The following FOLH1 variants were observed in gnomAD, a reference collection of about 807,000 sequenced individuals.
FOLH1 encodes glutamate carboxypeptidase 2.
In FOLH1, 54 loss-of-function variants were observed where a neutral mutation model predicts 93.9. The ratio of observed to expected loss-of-function variants is 0.57; its 90% confidence interval spans 0.46 to 0.72. The LOEUF is 0.72. Ranked by LOEUF, FOLH1 falls within the 30% of genes least tolerant of loss-of-function variation. The pLI is 0.00. For synonymous variants in FOLH1, 249 were observed against 303.6 expected (o/e 0.82, Z 1.87); for missense variants, 571 against 892.5 (o/e 0.64, Z 4.59).
At chr11:49,177,227 T>C (rs934944554) in intron 7 of FOLH1, among the ~76,000 whole-genome samples, 4 of 152,232 alleles carry the variant, frequency 2.6e-5, no homozygotes, top group Non-Finnish European at 5.9e-5. Context: ...TCTTTTCCCT[T>C]TTTCACTAAG....
chr11:49,206,037 G>T, intron 2 of FOLH1, 30 bp downstream of exon 2: 1 of 1,587,182 alleles, frequency 6.3e-7, no homozygotes, highest in Non-Finnish European at 8.6e-7. Flanking sequence ...CTAACAACTT[G>T]TCCATATAAA....
intron 12 of FOLH1, among the ~76,000 whole-genome samples, chr11:49,166,291 AG>A: frequency 6.6e-6 from 1 of 152,328 alleles, no homozygotes; most frequent in East Asian, 1.9e-4. Flanking sequence ...TAGTGGTTAG[AG>A]GGGTAAAGTT....
intron 4 of FOLH1, among the ~76,000 whole-genome samples, chr11:49,190,940 A>G (rs1238953952): frequency 6.6e-6 from 1 of 152,238 alleles, no homozygotes; most frequent in Non-Finnish European, 1.5e-5. Context: ...AATGAATGTG[A>G]TCTATTGAAG....
At chr11:49,154,973 G>A (rs1318712838) in intron 15 of FOLH1, among the ~76,000 whole-genome samples, 1 of 152,024 alleles carries the variant, frequency 6.6e-6, no homozygotes, top group Non-Finnish European at 1.5e-5. Context: ...GAGAGTCTGA[G>A]TGGTGAGGGG....
chr11:49,173,939 T>C (rs914109056), intron 9 of FOLH1, among the ~76,000 whole-genome samples: 6 of 152,108 alleles, frequency 3.9e-5, no homozygotes, highest in African/African-American at 1.4e-4. Flanking sequence ...TCAAATATTT[T>C]CTCCCTCTAT....
intron 17 of FOLH1, among the ~76,000 whole-genome samples, chr11:49,152,815 T>C (rs369803): frequency 0.18 from 27,156 of 152,064 alleles, 2,799 homozygotes; most frequent in African/African-American, 0.27. Flanking sequence ...GCTTCTAAAC[T>C]TGGCATCTTT....
At chr11:49,166,981 T>G (rs1051997814) in intron 12 of FOLH1, among the ~76,000 whole-genome samples, 25 of 151,922 alleles carry the variant, frequency 1.6e-4, no homozygotes, top group African/African-American at 5.6e-4. Context: ...CTCAGGAGTT[T>G]GAAACTATCC....
chr11:49,183,854 G>C (rs529741334), intron 6 of FOLH1, among the ~76,000 whole-genome samples: 1 of 151,964 alleles, frequency 6.6e-6, no homozygotes, highest in Non-Finnish European at 1.5e-5. Context: ...GCTTCTAGGG[G>C]ACACAGAGAA....
chr11:49,178,090 C>T (rs1860310931), intron 7 of FOLH1, among the ~76,000 whole-genome samples: 1 of 152,124 alleles, frequency 6.6e-6, no homozygotes, highest in Non-Finnish European at 1.5e-5. Flanking sequence ...TGACGCAGCT[C>T]AGGCAGAGAA....
At chr11:49,194,366 G>T (rs1862407476) in intron 3 of FOLH1, among the ~76,000 whole-genome samples, 1 of 151,812 alleles carries the variant, frequency 6.6e-6, no homozygotes, top group Non-Finnish European at 1.5e-5. Context: ...TAAGAGAAAT[G>T]ATCAGGAGGA....
rs144453796 is a variant in FOLH1 at position 49,172,150 on chromosome 11, T to C, written c.1226-873A>G. Among the ~76,000 whole-genome samples the C allele has an allele frequency of 2.6e-3, 400 of 152,304 alleles. 12 individuals are homozygous for C. The East Asian group carries it at 0.061, about 23-fold the overall frequency. On this transcript the variant is annotated intron_variant, in intron 10 of 18. Transcript: ENST00000256999. ...TTTTGTCAATAGTATTATTCAAATT[T>C]CCTATTATTATTCATCAGCATTCCA...
In FOLH1 at chr11:49,149,997, G is replaced by A. The variant is rs7945223; in HGVS notation, c.1971-1266C>T. Among the ~76,000 whole-genome samples, 599 of 152,026 alleles carry A rather than the reference G, an allele frequency of 3.9e-3. 4 individuals are homozygous for A. Among genetic ancestry groups the A allele is most frequent in the Non-Finnish European group, 7.1e-3 (480 of 67,966 alleles). ...AAGAGATGGAGTCTTGCTCTGTTGC[G>A]CAGGCTGGAGTGCAGTGGCTTAATC... On this transcript the variant is annotated intron_variant, in intron 17 of 18. Coordinates refer to ENST00000256999, the MANE Select transcript of FOLH1 (RefSeq NM_004476.3).
At chr11:49,184,475 A>AATTTATATG (rs1861147801) in intron 6 of FOLH1, among the ~76,000 whole-genome samples, 2 of 152,208 alleles carry the variant, frequency 1.3e-5, no homozygotes, top group Non-Finnish European at 2.9e-5. Flanking sequence ...GACTTTGCAT[A>AATTTATATG]ACTAATAAAG....
At chr11:49,152,162 T>G (rs1306319755) in intron 17 of FOLH1, among the ~76,000 whole-genome samples, 1 of 152,124 alleles carries the variant, frequency 6.6e-6, no homozygotes, top group Non-Finnish European at 1.5e-5. Flanking sequence ...GAATATCAAA[T>G]TTTTTAGTAA....
At chr11:49,205,092 CCCAGGT>C (rs772959536) in intron 2 of FOLH1, among the ~76,000 whole-genome samples, 5 of 151,958 alleles carry the variant, frequency 3.3e-5, no homozygotes, top group Non-Finnish European at 5.9e-5. Context: ...TGCCTGTAAT[CCCAGGT>C]ACTCAGGAGG....
rs1855745080 is a variant in FOLH1 at position 49,145,543 on chromosome 11, C to T, written c.*1213G>A. Among the ~76,000 whole-genome samples, 1 of 152,044 alleles carries T rather than the reference C, an allele frequency of 6.6e-6. No individual in the cohort carries two copies. The highest frequency in any genetic ancestry group is 1.5e-5 in the Non-Finnish European group (1 of 68,018). ...TTCATAAACAGCTTTACACATTGGC[C>T]CAGAAGACAAGTTTCTGGGGAGTTC... On this transcript the variant is annotated 3_prime_UTR_variant, in exon 19 of 19. Coordinates refer to ENST00000256999, the MANE Select transcript of FOLH1 (RefSeq NM_004476.3).
chr11:49,184,505 T>C lies in FOLH1; in HGVS notation c.826+1164A>G, dbSNP rs566634732. 6.6e-5 allele frequency among the ~76,000 whole-genome samples: 10 copies of C among 152,324 alleles called. No homozygotes were observed. In the East Asian group the frequency reaches 1.9e-3, roughly 29 times the overall value. ...ATAAAGCTTAGGCTAAGCTGCATTT[T>C]TTAAAACTTGGAAATAAAAAGGTGG... On this transcript the variant is annotated intron_variant, in intron 6 of 18. Transcript: ENST00000256999.
intron 4 of FOLH1, among the ~76,000 whole-genome samples, chr11:49,187,133 G>T (rs1257212051): frequency 6.6e-6 from 1 of 152,144 alleles, no homozygotes; most frequent in East Asian, 1.9e-4. Flanking sequence ...CCCTTAATGA[G>T]ACCTTTTCTC....
intron 3 of FOLH1, 56 bp from the exon 4 acceptor site, chr11:49,192,950 A>T (rs1226221021): frequency 2.8e-6 from 4 of 1,405,632 alleles, no homozygotes; most frequent in Non-Finnish European, 3.8e-6. Context: ...GATTACTGTA[A>T]TCAAACACAA....
Sources: allele counts gnomAD v4.1 joint callset (sites outside exome capture counted in the v4.1 genomes callset), GRCh38; gene constraint gnomAD v4.1.1; transcripts MANE v1.5; gene names NCBI Gene and HGNC (gene_info 2026-07-23, HGNC 2026-07-21).